Variants in ADCY5 observed in about 807,000 individuals in gnomAD.
ADCY5 encodes adenylate cyclase type 5.
A neutral mutation model predicts 119.7 loss-of-function variants in ADCY5; 30 were observed. The ratio of observed to expected loss-of-function variants is 0.25; its 90% CI spans 0.19 to 0.34. The LOEUF (loss-of-function observed/expected upper bound fraction) is 0.34, where lower values mean the gene tolerates loss of function less well. ADCY5 is among the 10% of genes least tolerant of loss of function. The pLI, the probability that ADCY5 is intolerant of heterozygous loss-of-function variation, is 1.00. For missense variants in ADCY5, 1,324 were observed against 1,775.2 expected (o/e 0.75, Z 4.57); for synonymous variants, 753 against 762.2 (o/e 0.99, Z 0.20).
At chr3:123,338,484 C>T (rs898646111) in intron 3 of ADCY5, among the ~76,000 whole-genome samples, 3 of 152,208 alleles carry the variant, frequency 2.0e-5, no homozygotes, top group African/African-American at 7.2e-5. Flanking sequence ...TTCTGCTGGC[C>T]AGGATTTCCT....
At position 123,303,245 on chromosome 3, in the gene ADCY5, G is replaced by A. The variant is rs181457782; in HGVS notation, c.2560-26C>T. On this transcript the variant is annotated intron_variant, in intron 13 of 20. Coordinates refer to ENST00000462833, the MANE Select transcript of ADCY5 (RefSeq NM_183357.3). Reference sequence around the variant, plus strand: ...CTGGGGGGAGGAAGGAGGGTGATGAGGGGAGGGTAAGCTGCTGGGGGACAG... The same window carrying A: ...CTGGGGGGAGGAAGGAGGGTGATGAAGGGAGGGTAAGCTGCTGGGGGACAG... 7.8e-4 allele frequency: 1,251 copies of A among 1,606,910 alleles called. 1 individual carries two copies. The highest frequency in any genetic ancestry group is 1.5e-3 in the Middle Eastern group (9 of 5,994).
intron 1 of ADCY5, among the ~76,000 whole-genome samples, chr3:123,410,504 T>C (rs1047872145): frequency 2.0e-5 from 3 of 152,204 alleles, no homozygotes; most frequent in Admixed American, 2.0e-4. Context: ...CTGCACTCTG[T>C]CTGCCTTTGG....
chr3:123,417,903 A>G (rs1361710009), intron 1 of ADCY5, among the ~76,000 whole-genome samples: 1 of 152,244 alleles, frequency 6.6e-6, no homozygotes, highest in Non-Finnish European at 1.5e-5. Context: ...GATGCCTGCA[A>G]TGTGCTGGAG....
At chr3:123,368,989 G>A (rs1023600826) in intron 1 of ADCY5, among the ~76,000 whole-genome samples, 2 of 152,178 alleles carry the variant, frequency 1.3e-5, no homozygotes, top group African/African-American at 4.8e-5. Flanking sequence ...CAAACACAAG[G>A]TGGGAGATGG....
intron 3 of ADCY5, among the ~76,000 whole-genome samples, chr3:123,336,950 C>T (rs942018888): frequency 2.0e-5 from 3 of 152,192 alleles, no homozygotes; most frequent in East Asian, 1.9e-4. Context: ...CTGACTTAAT[C>T]GTCTGGGGTG....
chr3:123,377,043 G>A (rs572838996), intron 1 of ADCY5, among the ~76,000 whole-genome samples: 3 of 152,218 alleles, frequency 2.0e-5, no homozygotes, highest in South Asian at 2.1e-4. Flanking sequence ...AATTGCACGC[G>A]TGTTCTCCGC....
rs1391274510 is a variant in ADCY5, at chr3:123,320,755, T to C, written c.2105A>G (p.Lys702Arg). The change falls in exon 9 of 21, where the codon AAG (lysine) becomes AGG (arginine). Residue 702 changes from lysine (K) to arginine (R), a missense_variant. Transcript: ENST00000462833. ...GGAAGGGCATATTACTCACTTGTCC[T>C]TGGGGTCTTCAAAGCCCTAGAAGAG... Reference protein sequence around the residue: ...EMKRMGFEDPKDKNAQESANP... With the variant: ...EMKRMGFEDPRDKNAQESANP... 7 of 1,611,374 alleles carry C rather than the reference T, an allele frequency of 4.3e-6. No individual in the cohort carries two copies. Among genetic ancestry groups the C allele is most frequent in the Non-Finnish European group, 5.9e-6 (7 of 1,177,570 alleles).
chr3:123,294,296 C>T (rs1052405882), intron 17 of ADCY5, among the ~76,000 whole-genome samples: 7 of 152,140 alleles, frequency 4.6e-5, no homozygotes, highest in African/African-American at 7.2e-5. Flanking sequence ...GCAGGAGCCA[C>T]CAATGGATGC....
chr3:123,348,092 G>GTGTGTGTGTGTGTGTGTGTGTGT (rs1553732286), intron 2 of ADCY5, among the ~76,000 whole-genome samples, 189 bp from the exon 3 acceptor site: 1 of 67,284 alleles, frequency 1.5e-5, no homozygotes, highest in African/African-American at 6.8e-5. Context: ...TGTGTGTGCA[G>GTGTGTGTGTGTGTGTGTGTGTGT]GATACCTGTC....
At chr3:123,390,463 G>A (rs1405835913) in intron 1 of ADCY5, among the ~76,000 whole-genome samples, 2 of 152,238 alleles carry the variant, frequency 1.3e-5, no homozygotes, top group Non-Finnish European at 2.9e-5. Context: ...GCTGCCAGGT[G>A]AACAGGTGGC....
intron 1 of ADCY5, among the ~76,000 whole-genome samples, chr3:123,376,377 G>A (rs779358407): frequency 6.6e-6 from 1 of 151,848 alleles, no homozygotes; most frequent in Admixed American, 6.6e-5. Flanking sequence ...CACTAGGACA[G>A]CTAAGGGGTT....
intron 1 of ADCY5, among the ~76,000 whole-genome samples, chr3:123,376,766 G>C (rs1943850332): frequency 2.0e-5 from 3 of 152,228 alleles, no homozygotes; most frequent in South Asian, 2.1e-4. Context: ...GGGCAGGCAG[G>C]AGGGGGAAAC....
At chr3:123,323,702 C>A (rs1001493162) in intron 8 of ADCY5, among the ~76,000 whole-genome samples, 4 of 151,980 alleles carry the variant, frequency 2.6e-5, no homozygotes, top group Non-Finnish European at 5.9e-5. Flanking sequence ...CTCTGTCCCC[C>A]AGGCTGGAGT....
intron 1 of ADCY5, among the ~76,000 whole-genome samples, chr3:123,390,513 T>A (rs2107584149): frequency 6.6e-6 from 1 of 152,346 alleles, no homozygotes; most frequent in Non-Finnish European, 1.5e-5. Context: ...TTTTGAGCTT[T>A]CTCTGCATCC....
At chr3:123,380,536 A>G (rs1943997892) in intron 1 of ADCY5, among the ~76,000 whole-genome samples, 1 of 152,132 alleles carries the variant, frequency 6.6e-6, no homozygotes, top group Non-Finnish European at 1.5e-5. Context: ...CCCTCCTAAA[A>G]TCAGGGCAGG....
Position 123,386,309 on chromosome 3 carries a change from C to T in ADCY5, c.1135-33728G>A, listed in dbSNP as rs1944223543. Among the ~76,000 whole-genome samples the T allele has an allele frequency of 1.2e-4, 18 of 152,162 alleles. 1 individual carries two copies. The highest frequency in any genetic ancestry group is 1.2e-3 in the Admixed American group (18 of 15,282). On this transcript the variant is annotated intron_variant, in intron 1 of 20. Coordinates refer to ENST00000462833, the MANE Select transcript of ADCY5 (RefSeq NM_183357.3). ...CCATCCTTAACGTCAACCAGGAGCCCCGAGGCCCAGTGAGAGAGACCCCAC... is the reference window on the plus strand; with the variant it reads ...CCATCCTTAACGTCAACCAGGAGCCTCGAGGCCCAGTGAGAGAGACCCCAC...
chr3:123,285,783 C>T (rs901365990), intron 20 of ADCY5, among the ~76,000 whole-genome samples: 1 of 152,228 alleles, frequency 6.6e-6, no homozygotes, highest in African/African-American at 2.4e-5. Context: ...TGCTGTCCTT[C>T]TCTCCTTTGC....
At chr3:123,365,546 T>C (rs1688774299) in intron 1 of ADCY5, among the ~76,000 whole-genome samples, 1 of 152,166 alleles carries the variant, frequency 6.6e-6, no homozygotes, top group African/African-American at 2.4e-5. Flanking sequence ...CTGGGTGATG[T>C]ATCTATGGGA....
intron 1 of ADCY5, chr3:123,368,174 T>C: frequency 1.5e-6 from 1 of 684,096 alleles, no homozygotes. Flanking sequence ...CTCATCTCTA[T>C]AATGGAGCTA....
Sources: gnomAD v4.1 joint callset for allele counts (sites outside exome capture counted in the v4.1 genomes callset) on GRCh38, gnomAD v4.1.1 for gene constraint, MANE v1.5 for transcripts, NCBI Gene and HGNC (gene_info 2026-07-23, HGNC 2026-07-21) for gene names.